DOCK3: variants seen among roughly 807,000 people sequenced by gnomAD.
DOCK3 encodes dedicator of cytokinesis protein 3.
In DOCK3, 60 loss-of-function variants were observed where a neutral mutation model predicts 265.6. The ratio of observed to expected loss-of-function variants is 0.23; its 90% CI spans 0.18 to 0.28. The LOEUF (loss-of-function observed/expected upper bound fraction) is 0.28. Among genes scored for constraint, DOCK3 ranks in the 10% least tolerant of loss-of-function variants. The pLI, the probability that DOCK3 is intolerant of heterozygous loss-of-function variation, is 1.00. For missense variants in DOCK3, 1,981 were observed against 2,594.3 expected, an observed-to-expected ratio of 0.76 and a Z score of 5.14; for synonymous variants, 881 against 938.0, an observed-to-expected ratio of 0.94 and a Z score of 1.11.
At chr3:50,823,383 G>A (rs944777951) in intron 2 of DOCK3, among the ~76,000 whole-genome samples, 5 of 152,188 alleles carry the variant, frequency 3.3e-5, no homozygotes, top group African/African-American at 1.2e-4. Flanking sequence ...CGAGCATGCT[G>A]TCTTCAAGCA....
chr3:51,236,572 G>A, intron 20 of DOCK3, 144 bp downstream of exon 20: 1 of 734,314 alleles, frequency 1.4e-6, no homozygotes. Context: ...TGTCACCCAA[G>A]GAAGACCAAG....
At chr3:50,779,310 G>A (rs1177857641) in intron 2 of DOCK3, among the ~76,000 whole-genome samples, 1 of 151,966 alleles carries the variant, frequency 6.6e-6, no homozygotes, top group Non-Finnish European at 1.5e-5. Context: ...CCATTTATTT[G>A]TATGTTTCCG....
At chr3:50,938,824 G>T (rs1357687391) in intron 5 of DOCK3, among the ~76,000 whole-genome samples, 1 of 151,694 alleles carries the variant, frequency 6.6e-6, no homozygotes, top group Non-Finnish European at 1.5e-5. Flanking sequence ...AATGATTGCA[G>T]CTCCTGCTCT....
chr3:51,352,617 C>T (rs957539757), intron 40 of DOCK3, among the ~76,000 whole-genome samples: 3 of 152,208 alleles, frequency 2.0e-5, no homozygotes, highest in African/African-American at 4.8e-5. Flanking sequence ...ACACAAGATG[C>T]AATCTCAACG....
intron 5 of DOCK3, among the ~76,000 whole-genome samples, chr3:51,005,082 CTA>C (rs1280634601): frequency 6.6e-6 from 1 of 151,724 alleles, no homozygotes; most frequent in African/African-American, 2.4e-5. Context: ...TCATATCATG[CTA>C]TGTTTTTAGT....
At chr3:51,367,712 T>C (rs1576960500) in intron 49 of DOCK3, among the ~76,000 whole-genome samples, 3 of 152,314 alleles carry the variant, frequency 2.0e-5, no homozygotes, top group South Asian at 2.1e-4. Context: ...TCAGCATTTG[T>C]TTGTCTGTAA....
At chr3:51,260,402 A>G (rs1242237362) in intron 23 of DOCK3, 76 bp downstream of exon 23, 10 of 1,461,920 alleles carry the variant, frequency 6.8e-6, no homozygotes, top group Non-Finnish European at 8.2e-6. Context: ...TCTGGTTTTC[A>G]GAGATGAAGA....
intron 1 of DOCK3, among the ~76,000 whole-genome samples, chr3:50,776,985 CAAGAG>C (rs1319706093): frequency 6.6e-6 from 1 of 152,156 alleles, no homozygotes; most frequent in African/African-American, 2.4e-5. Flanking sequence ...TGGCAGCAGA[CAAGAG>C]AAGAGAGAAT....
chr3:50,759,832 T>C (rs1459479182), intron 1 of DOCK3, among the ~76,000 whole-genome samples: 2 of 144,078 alleles, frequency 1.4e-5, no homozygotes, highest in African/African-American at 5.1e-5. Flanking sequence ...CACTCCAGCC[T>C]GGGTGACCGA....
intron 2 of DOCK3, among the ~76,000 whole-genome samples, chr3:50,816,398 T>G (rs896252866): frequency 6.7e-6 from 1 of 150,258 alleles, no homozygotes; most frequent in African/African-American, 2.4e-5. Flanking sequence ...CTTGGCTCAC[T>G]GCAGCCTCTG....
At chr3:51,329,003 A>C (rs1221072495) in intron 32 of DOCK3, among the ~76,000 whole-genome samples, 1 of 152,062 alleles carries the variant, frequency 6.6e-6, no homozygotes, top group Non-Finnish European at 1.5e-5. Context: ...AAATACAAAA[A>C]TTAGCTGGGT....
chr3:51,231,002 GT>G (rs1205519064), intron 19 of DOCK3, among the ~76,000 whole-genome samples: 1 of 149,810 alleles, frequency 6.7e-6, no homozygotes, highest in Non-Finnish European at 1.5e-5. Context: ...TTAGTTCTAA[GT>G]TTTTTTTATA....
intron 52 of DOCK3, among the ~76,000 whole-genome samples, chr3:51,380,452 G>A (rs989152729): frequency 2.6e-5 from 4 of 152,234 alleles, no homozygotes; most frequent in Admixed American, 6.5e-5. Context: ...AGTACCAAGA[G>A]TGTGTGGGCA....
chr3:50,868,545 T>C (rs1346791893), intron 3 of DOCK3, among the ~76,000 whole-genome samples: 1 of 152,070 alleles, frequency 6.6e-6, no homozygotes, highest in Admixed American at 6.6e-5. Context: ...GGCTAATTTT[T>C]GTATATTTTG....
At chr3:50,854,982 A>G (rs1236923844) in intron 3 of DOCK3, among the ~76,000 whole-genome samples, 1 of 151,934 alleles carries the variant, frequency 6.6e-6, no homozygotes, top group Admixed American at 6.6e-5. Flanking sequence ...TGTTTCATTA[A>G]TCTATGTGTC....
At chr3:50,814,269 A>AATT (rs1234810211) in intron 2 of DOCK3, among the ~76,000 whole-genome samples, 1 of 151,886 alleles carries the variant, frequency 6.6e-6, no homozygotes, top group Non-Finnish European at 1.5e-5. Context: ...AATATTTGTA[A>AATT]ATTATTATTA....
chr3:50,719,373 C>T, intron 1 of DOCK3: 2 of 407,764 alleles, frequency 4.9e-6, no homozygotes, highest in South Asian at 1.0e-4. Context: ...AGACCTGCAG[C>T]AAGAGCACAG....
intron 2 of DOCK3, among the ~76,000 whole-genome samples, chr3:50,804,066 C>T (rs529691344): frequency 1.1e-4 from 16 of 141,406 alleles, no homozygotes; most frequent in African/African-American, 4.0e-4. Flanking sequence ...CAGACGGGGT[C>T]GCGGCCGGGC....
At chr3:50,703,273 A>T (rs576116189) in intron 1 of DOCK3, among the ~76,000 whole-genome samples, 5 of 152,066 alleles carry the variant, frequency 3.3e-5, no homozygotes, top group Non-Finnish European at 7.4e-5. Context: ...TTTTGCATCT[A>T]TGTTTATCAA....
Sources: allele counts gnomAD v4.1 joint callset (sites outside exome capture counted in the v4.1 genomes callset), GRCh38; gene constraint gnomAD v4.1.1; transcripts MANE v1.5; gene names NCBI Gene and HGNC (gene_info 2026-07-23, HGNC 2026-07-21).